The following OPN4 variants were observed in gnomAD, a reference collection of about 807,000 sequenced individuals.
OPN4 encodes the protein melanopsin.
OPN4 carries 43 observed loss-of-function variants against 49.5 expected under a neutral mutation model. That is an observed-to-expected ratio of 0.87 (90% CI 0.68 to 1.12). The LOEUF is 1.12. Among genes scored for constraint, OPN4 ranks in the 50% most tolerant of loss-of-function variants. The pLI, the probability that OPN4 is intolerant of heterozygous loss-of-function variation, is 0.00. For synonymous variants in OPN4, 263 were observed against 258.0 expected, an observed-to-expected ratio of 1.02 and a Z score of -0.19; for missense variants, 657 against 643.9, an observed-to-expected ratio of 1.02 and a Z score of -0.22.
Position 86,658,117 on chromosome 10 carries a change from GTCT to G in OPN4, c.382_384del (p.Phe128del). The G allele has an allele frequency of 6.2e-7, 1 of 1,614,142 alleles. No homozygotes were observed. The highest frequency in any genetic ancestry group is 1.3e-5 in the African/African-American group (1 of 75,052). On this transcript the variant is annotated inframe_deletion, in exon 3 of 10. Transcript: ENST00000241891. ...CCTCATGTCCTTCACCCAGGCCCCTGTCTTCTTCACCAGTAGCCTCTATAAGCA... is the reference window on the plus strand; with the variant it reads ...CCTCATGTCCTTCACCCAGGCCCCTGTCTTCACCAGTAGCCTCTATAAGCA...
At chr10:86,656,012 T>A in intron 1 of OPN4, 143 bp from the exon 2 acceptor site, 1 of 1,020,446 alleles carries the variant, frequency 9.8e-7, no homozygotes, top group Non-Finnish European at 1.5e-6. Flanking sequence ...TGGCCACTTG[T>A]GAGCTGTGTG....
chr10:86,662,305 G>T lies in OPN4; in HGVS notation c.1127G>T (p.Arg376Leu), dbSNP rs35130918. Reference protein sequence around the residue: ...PCLGVLLGVSRRHSRPYPSYR... With the variant: ...PCLGVLLGVSLRHSRPYPSYR... The stretch of plus-strand genomic sequence containing the variant: ...CTGGGGGTGCTGCTGGGTGTATCAC[G>T]CCGGCACAGTCGCCCCTACCCCAGC... Residue 376 changes from arginine to leucine, a missense_variant, in exon 8 of 10, where the codon CGC becomes CTC. Physicochemically the swap from Arg to Leu is moderately radical, Grantham distance 102 (BLOSUM62 -2). Coordinates refer to ENST00000241891, the MANE Select transcript of OPN4 (RefSeq NM_033282.4). 7 of 1,608,446 alleles carry T rather than the reference G, an allele frequency of 4.4e-6. No individual in the cohort carries two copies. The highest frequency in any genetic ancestry group is 5.1e-6 in the Non-Finnish European group (6 of 1,178,834).
chr10:86,661,383 G>A lies in OPN4; in HGVS notation c.1068G>A (p.Lys356=). The change falls in exon 7 of 10, where the codon AAG becomes AAA. Residue 356 remains lysine (K), a synonymous_variant. Transcript: ENST00000241891. ...NPIIYAITHP[K]YRVAIAQHLP... ...TCATTTACGCCATCACCCACCCCAA[G>A]TACAGGTGTGGCTCTTTTCCAGAAC... The A allele has an allele frequency of 6.2e-7, 1 of 1,612,784 alleles. No individual in the cohort carries two copies. The highest frequency in any genetic ancestry group is 8.5e-7 in the Non-Finnish European group (1 of 1,178,896).
At position 86,654,581 on chromosome 10, in the gene OPN4, C is replaced by T. The variant is rs1843820091; in HGVS notation, c.-203C>T. ...CATAACTGCGACACTCACTCATTTG[C>T]GCTTCACCAGACACAGAGCAACCGC... On this transcript the variant is annotated 5_prime_UTR_variant, in exon 1 of 10. Transcript: ENST00000241891. 14 of 590,848 alleles carry T rather than the reference C, an allele frequency of 2.4e-5. No homozygotes were observed. In the South Asian group the frequency reaches 3.0e-4, roughly 13 times the overall value. 36.6% of individuals were successfully genotyped at this position (590,848 alleles called of 1,614,324 possible).
At chr10:86,659,215 A>T (rs1843941729) in intron 4 of OPN4, 82 bp from the exon 5 acceptor site, 1 of 1,130,562 alleles carries the variant, frequency 8.8e-7, no homozygotes, top group Non-Finnish European at 1.3e-6. Flanking sequence ...TGGGGACCCG[A>T]ATGCCACATA....
rs756013544 is a variant in OPN4 at position 86,658,066 on chromosome 10, A to C, written c.325A>C (p.Ile109Leu). The change falls in exon 3 of 10, where the codon ATT becomes CTT. Residue 109 changes from isoleucine (I) to leucine (L), a missense_variant. Transcript: ENST00000241891. Reference sequence around the variant, plus strand: ...CCTCCGGACACCTGCCAACATGTTCATTATCAACCTCGCGGTCAGCGACTT... The same window carrying C: ...CCTCCGGACACCTGCCAACATGTTCCTTATCAACCTCGCGGTCAGCGACTT... Reference protein sequence around the residue: ...RSLRTPANMFIINLAVSDFLM... With the variant: ...RSLRTPANMFLINLAVSDFLM... 1 of 1,613,666 alleles carries C rather than the reference A, an allele frequency of 6.2e-7. No individual in the cohort carries two copies. Among genetic ancestry groups the C allele is most frequent in the East Asian group, 2.2e-5 (1 of 44,894 alleles).
chr10:86,661,422 C>G, intron 7 of OPN4, 34 bp downstream of exon 7: 5 of 1,524,266 alleles, frequency 3.3e-6, no homozygotes, highest in Non-Finnish European at 4.5e-6. Flanking sequence ...ACACCTTGGC[C>G]TCCAAGGGCC....
At position 86,654,859 on chromosome 10, in the gene OPN4, C is replaced by T; in HGVS notation, c.76C>T (p.Pro26Ser). Residue 26 changes from proline to serine, a missense_variant, in exon 1 of 10, where the codon CCC (proline) becomes TCC (serine). Coordinates refer to ENST00000241891, the MANE Select transcript of OPN4 (RefSeq NM_033282.4). ...CAGCTGCATGGCCACCCCAGCACCA[C>T]CCAGCTGGTGGGACAGCTCCCAGAG... The part of the protein sequence containing the change: ...EPSCMATPAP[P>S]SWWDSSQSSI... 1 of 1,613,752 alleles carries T rather than the reference C, an allele frequency of 6.2e-7. No homozygotes were observed. Among genetic ancestry groups the T allele is most frequent in the South Asian group, 1.1e-5 (1 of 91,072 alleles).
At chr10:86,657,794 C>T (rs1042556335) in intron 2 of OPN4, among the ~76,000 whole-genome samples, 7 of 152,254 alleles carry the variant, frequency 4.6e-5, no homozygotes, top group Non-Finnish European at 7.4e-5. Flanking sequence ...CTGAGGGAGC[C>T]GTCTTGGGGT....
At position 86,661,277 on chromosome 10, in the gene OPN4, C is replaced by T. The variant is rs1843999164; in HGVS notation, c.966-4C>T. The T allele has an allele frequency of 1.9e-6, 3 of 1,612,640 alleles. No homozygotes were observed. Among genetic ancestry groups the T allele is most frequent in the East Asian group, 4.5e-5 (2 of 44,850 alleles). On this transcript the variant is annotated splice_region_variant and splice_polypyrimidine_tract_variant and intron_variant, in intron 6 of 9. Coordinates refer to ENST00000241891, the MANE Select transcript of OPN4 (RefSeq NM_033282.4). ...GCTTGGGGACCACACCTTCTCTGTCCTAGGTACGCACACGTCCTGACACCC... is the reference window on the plus strand; with the variant it reads ...GCTTGGGGACCACACCTTCTCTGTCTTAGGTACGCACACGTCCTGACACCC...
chr10:86,655,036 C>T, intron 1 of OPN4, 109 bp downstream of exon 1: 1 of 1,168,786 alleles, frequency 8.6e-7, no homozygotes, highest in Non-Finnish European at 1.2e-6. Context: ...GGTCTGAACT[C>T]TGCTGTGGGG....
At chr10:86,660,304 C>T (rs774897278) in intron 6 of OPN4, among the ~76,000 whole-genome samples, 19 of 152,228 alleles carry the variant, frequency 1.2e-4, no homozygotes, top group Admixed American at 2.6e-4. Flanking sequence ...TTTGGGCGGA[C>T]GGCCTGCCAG....
In OPN4 at chr10:86,660,041, C is replaced by T. The variant is rs765270251; in HGVS notation, c.947C>T (p.Ala316Val). ...VLSWAPYSAV[A>V]LVAFAGYAHV... ...TCCTGGGCTCCCTATTCCGCTGTGG[C>T]CCTGGTGGCCTTTGCTGGGTAAGCA... The change falls in exon 6 of 10, where the codon GCC becomes GTC. Residue 316 changes from alanine (A) to valine (V), a missense_variant. Ala to Val is a moderately conservative substitution (Grantham distance 64, BLOSUM62 0). Coordinates refer to ENST00000241891, the MANE Select transcript of OPN4 (RefSeq NM_033282.4). The T allele has an allele frequency of 3.7e-6, 6 of 1,614,196 alleles. No individual in the cohort carries two copies. Among genetic ancestry groups the T allele is most frequent in the Non-Finnish European group, 5.1e-6 (6 of 1,180,020 alleles).
intron 8 of OPN4, 75 bp downstream of exon 8, chr10:86,662,507 C>T: frequency 7.1e-7 from 1 of 1,413,148 alleles, no homozygotes; most frequent in Non-Finnish European, 9.5e-7. Context: ...CTGGGGAATA[C>T]ATAGGCCCTG....
rs1843820045 is a variant in OPN4, at chr10:86,654,578, T to C, written c.-206T>C. The C allele has an allele frequency of 3.4e-6, 2 of 583,882 alleles. No homozygotes were observed. The highest frequency in any genetic ancestry group is 5.9e-6 in the Non-Finnish European group (2 of 337,298). 36.2% of individuals were successfully genotyped at this position (583,882 alleles called of 1,614,324 possible). ...CACCATAACTGCGACACTCACTCAT[T>C]TGCGCTTCACCAGACACAGAGCAAC... On this transcript the variant is annotated 5_prime_UTR_variant, in exon 1 of 10. Coordinates refer to ENST00000241891, the MANE Select transcript of OPN4 (RefSeq NM_033282.4).
chr10:86,660,001 C>T lies in OPN4; in HGVS notation c.907C>T (p.Leu303Phe), dbSNP rs774803027. ...KMAKIMLLVI[L>F]LFVLSWAPYS... ...GGCCAAGATCATGCTGCTGGTCATC[C>T]TCCTCTTCGTGCTCTCCTGGGCTCC... Residue 303 changes from leucine to phenylalanine, a missense_variant, in exon 6 of 10, where the codon CTC becomes TTC. Coordinates refer to ENST00000241891, the MANE Select transcript of OPN4 (RefSeq NM_033282.4). 1.3e-5 allele frequency: 21 copies of T among 1,614,110 alleles called. No individual in the cohort carries two copies. The highest frequency in any genetic ancestry group is 1.8e-5 in the Non-Finnish European group (21 of 1,180,034).
intron 6 of OPN4, among the ~76,000 whole-genome samples, chr10:86,660,692 G>A (rs1033147182): frequency 6.6e-6 from 1 of 152,102 alleles, no homozygotes; most frequent in African/African-American, 2.4e-5. Context: ...AGAGTCAATG[G>A]GGGGAAGTGG....
intron 7 of OPN4, 46 bp downstream of exon 7, chr10:86,661,434 G>C: frequency 6.8e-7 from 1 of 1,464,990 alleles, no homozygotes; most frequent in Non-Finnish European, 9.5e-7. Context: ...CCAAGGGCCT[G>C]GCCTGCCGAT....
intron 7 of OPN4, 79 bp from the exon 8 acceptor site, chr10:86,662,173 T>C: frequency 7.7e-7 from 1 of 1,290,874 alleles, no homozygotes; most frequent in Non-Finnish European, 1.1e-6. Context: ...ATTAGGCCTG[T>C]ACCAGCCTGT....
Sources: allele counts gnomAD v4.1 joint callset (sites outside exome capture counted in the v4.1 genomes callset), GRCh38; gene constraint gnomAD v4.1.1; transcripts MANE v1.5; gene names NCBI Gene and HGNC (gene_info 2026-07-23, HGNC 2026-07-21).